The following CBFB variants were observed in gnomAD, a reference collection of about 807,000 sequenced individuals.
CBFB encodes the protein core-binding factor subunit beta, also known as CBF-beta.
A neutral mutation model predicts 30.4 loss-of-function variants in CBFB; 9 were observed. The ratio of observed to expected loss-of-function variants is 0.30; its 90% CI spans 0.18 to 0.52. The LOEUF is 0.52. CBFB is among the 20% of genes least tolerant of loss of function. CBFB has a pLI of 0.97. For missense variants in CBFB, 170 were observed against 244.0 expected (o/e 0.70, Z 2.02); for synonymous variants, 94 against 84.0 (o/e 1.12, Z -0.65).
chr16:67,092,696 ATCTT>A (rs1961924170), intron 5 of CBFB, among the ~76,000 whole-genome samples: 3 of 94,682 alleles, frequency 3.2e-5, no homozygotes, highest in African/African-American at 1.4e-4. Flanking sequence ...CAGTGGTGCA[ATCTT>A]TTTTTTTTTT....
At chr16:67,031,624 C>T (rs899114052) in intron 2 of CBFB, among the ~76,000 whole-genome samples, 2 of 152,202 alleles carry the variant, frequency 1.3e-5, no homozygotes, top group African/African-American at 4.8e-5. Flanking sequence ...GATTCTCCTG[C>T]CTCAGCCTCC....
At chr16:67,030,966 C>T (rs1407037277) in intron 2 of CBFB, among the ~76,000 whole-genome samples, 11 of 152,172 alleles carry the variant, frequency 7.2e-5, no homozygotes, top group Admixed American at 7.2e-4. Context: ...CTTGGACTCA[C>T]TGCATTGTTA....
intron 5 of CBFB, among the ~76,000 whole-genome samples, chr16:67,091,477 C>T (rs1015356934): frequency 7.2e-5 from 11 of 152,116 alleles, no homozygotes; most frequent in African/African-American, 2.7e-4. Context: ...TTTTGAGGAA[C>T]CGAGGCTAAG....
chr16:67,093,114 T>C (rs1226413101), intron 5 of CBFB, among the ~76,000 whole-genome samples: 1 of 152,084 alleles, frequency 6.6e-6, no homozygotes, highest in Non-Finnish European at 1.5e-5. Context: ...CCCAACTAAT[T>C]TTTAAAAATT....
intron 4 of CBFB, among the ~76,000 whole-genome samples, chr16:67,074,406 CAG>C (rs1961327091): frequency 7.1e-6 from 1 of 141,544 alleles, no homozygotes; most frequent in African/African-American, 2.7e-5. Flanking sequence ...TTTTTTGAGA[CAG>C]AGTCTAGCTC....
intron 5 of CBFB, among the ~76,000 whole-genome samples, chr16:67,094,852 G>A (rs542132881): frequency 2.6e-5 from 4 of 152,304 alleles, no homozygotes; most frequent in African/African-American, 7.2e-5. Flanking sequence ...TGAAAAGAAT[G>A]TGCTAAAATT....
chr16:67,078,088 G>A (rs1331482179), intron 4 of CBFB, among the ~76,000 whole-genome samples: 1 of 152,154 alleles, frequency 6.6e-6, no homozygotes, highest in Non-Finnish European at 1.5e-5. Context: ...GTAAGCACGT[G>A]GTTTTTATTA....
intron 5 of CBFB, among the ~76,000 whole-genome samples, chr16:67,087,942 G>C (rs188730610): frequency 6.6e-6 from 1 of 152,110 alleles, no homozygotes; most frequent in Non-Finnish European, 1.5e-5. Flanking sequence ...CCATAATGCT[G>C]GTTCCAGTTA....
At chr16:67,064,596 T>G (rs1378005595) in intron 3 of CBFB, among the ~76,000 whole-genome samples, 3 of 152,190 alleles carry the variant, frequency 2.0e-5, no homozygotes, top group Admixed American at 6.5e-5. Flanking sequence ...TCTTATATTG[T>G]TTATCTCTAT....
At chr16:67,090,129 T>C (rs1961841507) in intron 5 of CBFB, among the ~76,000 whole-genome samples, 1 of 152,190 alleles carries the variant, frequency 6.6e-6, no homozygotes, top group Admixed American at 6.5e-5. Flanking sequence ...TACCAGTTAC[T>C]GTGGGGATTG....
intron 3 of CBFB, among the ~76,000 whole-genome samples, chr16:67,045,138 G>A (rs572410058): frequency 8.5e-5 from 13 of 152,136 alleles, no homozygotes; most frequent in African/African-American, 2.4e-4. Context: ...CTGGCAGAGC[G>A]TTTGTATTTT....
At chr16:67,084,040 G>A (rs1193196746) in intron 5 of CBFB, among the ~76,000 whole-genome samples, 5 of 151,684 alleles carry the variant, frequency 3.3e-5, no homozygotes, top group Non-Finnish European at 7.4e-5. Context: ...GGTGGCACAT[G>A]CCTGTTGTCC....
At chr16:67,075,057 GCACACA>G (rs1875951117) in intron 4 of CBFB, among the ~76,000 whole-genome samples, 1 of 152,090 alleles carries the variant, frequency 6.6e-6, no homozygotes, top group Non-Finnish European at 1.5e-5. Context: ...AGGTATGGTG[GCACACA>G]CCTATAATCC....
intron 3 of CBFB, among the ~76,000 whole-genome samples, chr16:67,044,862 C>A (rs1051470700): frequency 2.6e-5 from 4 of 152,120 alleles, no homozygotes; most frequent in Non-Finnish European, 4.4e-5. Flanking sequence ...AATAAAAGAT[C>A]TCTATGGTAA....
At chr16:67,039,571 CAT>C (rs1966496917) in intron 3 of CBFB, among the ~76,000 whole-genome samples, 1 of 152,234 alleles carries the variant, frequency 6.6e-6, no homozygotes, top group East Asian at 1.9e-4. Flanking sequence ...AGACCACTGT[CAT>C]ATATGTGATC....
intron 5 of CBFB, among the ~76,000 whole-genome samples, chr16:67,083,820 AAATT>A (rs1045302377): frequency 2.0e-5 from 3 of 152,264 alleles, no homozygotes; most frequent in East Asian, 1.9e-4. Flanking sequence ...TCAATTATAA[AAATT>A]AATATTCAAA....
intron 4 of CBFB, among the ~76,000 whole-genome samples, chr16:67,079,515 C>CT (rs34164177): frequency 0.35 from 34,585 of 98,692 alleles, 6,353 homozygotes; most frequent in Middle Eastern, 0.44. Flanking sequence ...GGCCCTGGGT[C>CT]TTTTTTTTTT....
At position 67,029,628 on chromosome 16, in the gene CBFB, G is replaced by C. The variant is rs899249111; in HGVS notation, c.79-99G>C. On this transcript the variant is annotated intron_variant, in intron 1 of 5. Coordinates refer to ENST00000412916, the MANE Select transcript of CBFB (RefSeq NM_022845.3). ...AATCTCGCCGGGGCGGCCATCGCCC[G>C]CAGCCTCTGCTTGCCCTTATCGGCG... The C allele has an allele frequency of 3.8e-5, 51 of 1,329,578 alleles. No homozygotes were observed. The Admixed American group carries it at 1.2e-3, about 31-fold the overall frequency. The allele number at this position is 1,329,578 out of a possible 1,614,324, so 82.4% of individuals were successfully genotyped here. A position where few individuals can be genotyped will look rare whatever the true frequency, so the allele number is the denominator to read the frequency against.
At chr16:67,067,981 C>T (rs774550679) in intron 4 of CBFB, among the ~76,000 whole-genome samples, 18 of 152,182 alleles carry the variant, frequency 1.2e-4, no homozygotes, top group South Asian at 4.1e-4. Flanking sequence ...CACAGAAGGT[C>T]CTTGCATGCT....
Sources: allele counts gnomAD v4.1 joint callset (sites outside exome capture counted in the v4.1 genomes callset), GRCh38; gene constraint gnomAD v4.1.1; transcripts MANE v1.5; gene names NCBI Gene and HGNC (gene_info 2026-07-23, HGNC 2026-07-21).